The following CAB39L variants were observed in gnomAD, a reference collection of about 807,000 sequenced individuals.
CAB39L encodes calcium binding protein 39 like.
CAB39L carries 23 observed loss-of-function variants against 39.1 expected under a neutral mutation model. That is an observed-to-expected ratio of 0.59 (90% CI 0.42 to 0.83). The LOEUF is 0.83. Ranked by LOEUF, CAB39L falls within the 40% of genes least tolerant of loss-of-function variation. The pLI is 0.00. For synonymous variants in CAB39L, 126 were observed against 137.2 expected (o/e 0.92, Z 0.57); for missense variants, 366 against 391.9 (o/e 0.93, Z 0.56).
chr13:49,427,004 G>C (rs1957254903), intron 3 of CAB39L, among the ~76,000 whole-genome samples: 1 of 152,146 alleles, frequency 6.6e-6, no homozygotes, highest in South Asian at 2.1e-4. Flanking sequence ...AAACTATCAA[G>C]TCTCAGCACC....
chr13:49,430,955 G>C (rs992727716), intron 3 of CAB39L, among the ~76,000 whole-genome samples: 3 of 152,152 alleles, frequency 2.0e-5, no homozygotes, highest in African/African-American at 7.2e-5. Context: ...TTATTATCAA[G>C]ACATGTTCCT....
intron 7 of CAB39L, among the ~76,000 whole-genome samples, chr13:49,347,054 G>C (rs1036446662): frequency 3.0e-4 from 45 of 151,694 alleles, no homozygotes; most frequent in African/African-American, 8.0e-4. Context: ...CCAAAATCAA[G>C]TCAATCATCC....
rs574857786 is a variant in CAB39L at position 49,383,804 on chromosome 13, T to TA, written c.-31-864dup. ...CATTGTGCACATGTACCCTAAAACT[T>TA]AAAGTATAATAAAACAAAAACAAAA... On this transcript the variant is annotated intron_variant, in intron 3 of 10. Coordinates refer to ENST00000409308, the MANE Select transcript of CAB39L (RefSeq NM_001079670.3). Among the ~76,000 whole-genome samples the TA allele has an allele frequency of 1.2e-4, 18 of 152,230 alleles. No individual in the cohort carries two copies. The South Asian group carries it at 1.5e-3, about 12-fold the overall frequency.
intron 1 of CAB39L, among the ~76,000 whole-genome samples, chr13:49,441,221 G>GTATATATATATATATA (rs59783079): frequency 0.011 from 1,353 of 121,220 alleles, 31 homozygotes; most frequent in African/African-American, 0.031. Flanking sequence ...ATGATTTAGT[G>GTATATATATATATATA]TATATATATA....
chr13:49,414,953 G>A (rs1291380469), intron 3 of CAB39L, among the ~76,000 whole-genome samples: 1 of 152,070 alleles, frequency 6.6e-6, no homozygotes, highest in Admixed American at 6.6e-5. Context: ...CAGCACTTTG[G>A]GAGGCCGAGG....
chr13:49,426,440 T>G (rs1013387507), intron 3 of CAB39L, among the ~76,000 whole-genome samples: 1 of 152,210 alleles, frequency 6.6e-6, no homozygotes, highest in Admixed American at 6.5e-5. Flanking sequence ...AATATTTTTT[T>G]TTTTGAGACG....
chr13:49,413,125 CAA>C (rs1342160559), intron 3 of CAB39L: 1 of 149,748 alleles, frequency 6.7e-6, no homozygotes, highest in Non-Finnish European at 1.5e-5. Context: ...CAAAACAAAA[CAA>C]AACAAAAAAC....
chr13:49,354,105 A>C (rs1342783866), intron 6 of CAB39L, among the ~76,000 whole-genome samples: 1 of 152,192 alleles, frequency 6.6e-6, no homozygotes, highest in Non-Finnish European at 1.5e-5. Context: ...GGGTATAATT[A>C]GTTCTCTTTT....
chr13:49,417,526 A>T (rs949904330), intron 3 of CAB39L, among the ~76,000 whole-genome samples: 6 of 152,230 alleles, frequency 3.9e-5, no homozygotes. Context: ...TAATGTAAAT[A>T]AACAATAGAA....
chr13:49,401,814 T>C (rs189918312), intron 3 of CAB39L, among the ~76,000 whole-genome samples: 41 of 152,304 alleles, frequency 2.7e-4, no homozygotes, highest in Middle Eastern at 6.8e-3. Context: ...ATAGTAATAA[T>C]AACAGATTCA....
intron 3 of CAB39L, among the ~76,000 whole-genome samples, chr13:49,409,450 T>TAAA (rs34396787): frequency 7.0e-6 from 1 of 143,568 alleles, no homozygotes; most frequent in Non-Finnish European, 1.5e-5. Context: ...TTGTTTGCTT[T>TAAA]AAAAAAAAAA....
At chr13:49,388,108 TAG>T (rs1471449582) in intron 3 of CAB39L, among the ~76,000 whole-genome samples, 2 of 152,042 alleles carry the variant, frequency 1.3e-5, no homozygotes, top group Non-Finnish European at 2.9e-5. Flanking sequence ...AGAAAAGATA[TAG>T]AGTGTGTATG....
rs73491209 is a variant in CAB39L, at chr13:49,433,269, G to A, written c.-32+49C>T. On this transcript the variant is annotated intron_variant, in intron 3 of 10. Coordinates refer to ENST00000409308, the MANE Select transcript of CAB39L (RefSeq NM_001079670.3). The stretch of plus-strand genomic sequence containing the variant: ...TTGGTATGTTGAGCATAGTCTACAC[G>A]TCTGTCGAGAGCACTTAAAATCTTG... The A allele has an allele frequency of 6.5e-3, 2,708 of 416,510 alleles. 66 individuals carry two copies. Among genetic ancestry groups the A allele is most frequent in the African/African-American group, 0.053 (2,524 of 47,914 alleles). The allele number at this position is 416,510 out of a possible 1,614,324, so 25.8% of individuals were successfully genotyped here. A position where few individuals can be genotyped will look rare whatever the true frequency, so the allele number is the denominator to read the frequency against.
intron 6 of CAB39L, among the ~76,000 whole-genome samples, chr13:49,355,995 T>C (rs1955473947): frequency 6.6e-6 from 1 of 152,116 alleles, no homozygotes; most frequent in African/African-American, 2.4e-5. Flanking sequence ...TAAAACTACT[T>C]TAGCCAATAA....
chr13:49,366,630 A>G (rs1362924456), intron 5 of CAB39L, among the ~76,000 whole-genome samples: 1 of 148,626 alleles, frequency 6.7e-6, no homozygotes, highest in Non-Finnish European at 1.5e-5. Flanking sequence ...TCTGTCTAAA[A>G]AAAAAAAAAA....
chr13:49,329,570 T>A (rs1450190418), intron 10 of CAB39L, among the ~76,000 whole-genome samples: 4,448 of 73,672 alleles, frequency 0.06, 698 homozygotes, highest in African/African-American at 0.24. Flanking sequence ...TATATATATA[T>A]ATATATATAT....
chr13:49,425,867 C>T (rs2138720460), intron 3 of CAB39L, among the ~76,000 whole-genome samples: 1 of 152,270 alleles, frequency 6.6e-6, no homozygotes, highest in Non-Finnish European at 1.5e-5. Flanking sequence ...AGGTTCAGCC[C>T]TCTGAGACAC....
chr13:49,324,265 C>T (rs555226197), intron 10 of CAB39L, among the ~76,000 whole-genome samples: 58 of 151,424 alleles, frequency 3.8e-4, no homozygotes, highest in Non-Finnish European at 7.7e-4. Context: ...TGCAGTGAGC[C>T]GAGATCACAC....
At chr13:49,435,895 T>A (rs902029842) in intron 1 of CAB39L, among the ~76,000 whole-genome samples, 2 of 152,372 alleles carry the variant, frequency 1.3e-5, no homozygotes, top group African/African-American at 4.8e-5. Context: ...CCTGGAATTT[T>A]ACGAAGGTGT....
Sources: allele counts gnomAD v4.1 joint callset (sites outside exome capture counted in the v4.1 genomes callset), GRCh38; gene constraint gnomAD v4.1.1; transcripts MANE v1.5; gene names NCBI Gene and HGNC (gene_info 2026-07-23, HGNC 2026-07-21).